The following PHACTR1 variants were observed in gnomAD, a reference collection of about 807,000 sequenced individuals.
PHACTR1 encodes the protein phosphatase and actin regulator 1.
PHACTR1 carries 16 observed loss-of-function variants against 69.2 expected under a neutral mutation model. The observed-to-expected ratio is 0.23, with a 90% confidence interval of 0.16 to 0.35. The LOEUF (loss-of-function observed/expected upper bound fraction) is 0.35. PHACTR1 is among the 10% of genes least tolerant of loss of function. PHACTR1 has a pLI of 1.00. For synonymous variants in PHACTR1, 312 were observed against 284.5 expected, an observed-to-expected ratio of 1.10 and a Z score of -0.97; for missense variants, 510 against 734.7, an observed-to-expected ratio of 0.69 and a Z score of 3.54.
chr6:13,007,950 C>T (rs1799005937), intron 4 of PHACTR1, among the ~76,000 whole-genome samples: 1 of 152,172 alleles, frequency 6.6e-6, no homozygotes, highest in African/African-American at 2.4e-5. Flanking sequence ...AGTAAAACTA[C>T]TTTCCATTCA....
intron 4 of PHACTR1, among the ~76,000 whole-genome samples, chr6:12,846,990 T>C (rs1175089355): frequency 6.6e-6 from 1 of 151,592 alleles, no homozygotes; most frequent in African/African-American, 2.4e-5. Context: ...TTTCTTTGTT[T>C]TTTTTTTGTA....
chr6:13,204,986 G>C (rs1025483065), intron 7 of PHACTR1, among the ~76,000 whole-genome samples: 4 of 152,220 alleles, frequency 2.6e-5, no homozygotes, highest in Non-Finnish European at 5.9e-5. Flanking sequence ...TTGTAGACTA[G>C]CATGTCTTGG....
intron 4 of PHACTR1, among the ~76,000 whole-genome samples, chr6:12,762,234 GT>G (rs1334707422): frequency 6.6e-6 from 1 of 152,088 alleles, no homozygotes; most frequent in Non-Finnish European, 1.5e-5. Context: ...TGGTCTTTGA[GT>G]TTTACAGTTT....
In PHACTR1 at chr6:12,759,062, T is replaced by G. The variant is rs1188238883; in HGVS notation, c.250+9272T>G. Among the ~76,000 whole-genome samples the G allele has an allele frequency of 4.2e-5, 6 of 141,950 alleles. 1 individual carries two copies. The East Asian group carries it at 1.2e-3, about 29-fold the overall frequency. The allele number at this position is 141,950 out of a possible 152,430, so 93.1% of individuals were successfully genotyped here. Reference sequence around the variant, plus strand: ...TCGCTTGAACCTGGGAGGCAGAGGTTGCGGTGAGCCAAGATCATGCCATTG... The same window carrying G: ...TCGCTTGAACCTGGGAGGCAGAGGTGGCGGTGAGCCAAGATCATGCCATTG... On this transcript the variant is annotated intron_variant, in intron 4 of 14. Coordinates refer to ENST00000332995, the MANE Select transcript of PHACTR1 (RefSeq NM_030948.6).
chr6:12,745,001 TC>T (rs1453113378), intron 3 of PHACTR1, among the ~76,000 whole-genome samples: 1 of 152,190 alleles, frequency 6.6e-6, no homozygotes, highest in African/African-American at 2.4e-5. Context: ...AGGTCTCATC[TC>T]CTCAAATTCT....
At chr6:13,043,629 A>C (rs946549264) in intron 4 of PHACTR1, among the ~76,000 whole-genome samples, 1 of 152,202 alleles carries the variant, frequency 6.6e-6, no homozygotes, top group Non-Finnish European at 1.5e-5. Flanking sequence ...AGAGTACTTC[A>C]ACAGACTCTA....
chr6:13,139,549 G>T lies in PHACTR1; in HGVS notation c.416-20655G>T, dbSNP rs200826794. Among the ~76,000 whole-genome samples, 3 of 152,100 alleles carry T rather than the reference G, an allele frequency of 2.0e-5. No homozygotes were observed. The East Asian group carries it at 5.8e-4, about 29-fold the overall frequency. On this transcript the variant is annotated intron_variant, in intron 5 of 14. Transcript: ENST00000332995. ...GTATTCCCAAAAAACTTTCATTTGAGGAACTGAACTTGAAAGAACAGCATT... is the reference window on the plus strand; with the variant it reads ...GTATTCCCAAAAAACTTTCATTTGATGAACTGAACTTGAAAGAACAGCATT...
At chr6:12,866,569 A>G (rs538810116) in intron 4 of PHACTR1, among the ~76,000 whole-genome samples, 2 of 152,048 alleles carry the variant, frequency 1.3e-5, no homozygotes, top group East Asian at 3.9e-4. Context: ...GGCTCCGCCC[A>G]CTCAATCTTC....
chr6:13,157,217 T>A (rs1758309731), intron 5 of PHACTR1, among the ~76,000 whole-genome samples: 2 of 152,276 alleles, frequency 1.3e-5, no homozygotes, highest in African/African-American at 4.8e-5. Flanking sequence ...GCATTTCCCT[T>A]GGCCCCTACC....
intron 4 of PHACTR1, among the ~76,000 whole-genome samples, chr6:12,846,737 T>TTG (rs1561940270): frequency 1.3e-5 from 2 of 152,112 alleles, no homozygotes; most frequent in East Asian, 3.8e-4. Context: ...TTTTTTTTTT[T>TTG]TGTGGCCTTA....
intron 4 of PHACTR1, among the ~76,000 whole-genome samples, chr6:12,899,294 A>C (rs919062365): frequency 6.6e-6 from 1 of 152,194 alleles, no homozygotes; most frequent in African/African-American, 2.4e-5. Flanking sequence ...TTACTTTCCT[A>C]ATGCAGGGTT....
At chr6:13,206,195 C>T (rs1765896883) in intron 8 of PHACTR1, 59 bp downstream of exon 8, 1 of 1,451,252 alleles carries the variant, frequency 6.9e-7, no homozygotes, top group Non-Finnish European at 9.3e-7. Context: ...GGAGGGGGGC[C>T]TAGGGATTTG....
At chr6:13,101,689 G>A (rs141808738) in intron 5 of PHACTR1, among the ~76,000 whole-genome samples, 1 of 152,306 alleles carries the variant, frequency 6.6e-6, no homozygotes, top group East Asian at 1.9e-4. Context: ...TTCACCATTG[G>A]TACAAGCAGC....
At chr6:12,732,067 G>C (rs75257013) in intron 3 of PHACTR1, among the ~76,000 whole-genome samples, 5,504 of 151,676 alleles carry the variant, frequency 0.036, 325 homozygotes, top group African/African-American at 0.12. Flanking sequence ...GATTTGCTTG[G>C]AGTTCCTGGG....
At chr6:12,920,586 G>A (rs907315653) in intron 4 of PHACTR1, among the ~76,000 whole-genome samples, 2 of 152,076 alleles carry the variant, frequency 1.3e-5, no homozygotes, top group African/African-American at 4.8e-5. Flanking sequence ...TCCCTGCCAG[G>A]CACTATAAGG....
chr6:13,266,140 C>T (rs1776665935), intron 10 of PHACTR1, among the ~76,000 whole-genome samples: 1 of 152,114 alleles, frequency 6.6e-6, no homozygotes, highest in Admixed American at 6.6e-5. Context: ...ACAGCATTCC[C>T]ATCCATCTAG....
At chr6:12,769,850 A>G (rs1010654503) in intron 4 of PHACTR1, among the ~76,000 whole-genome samples, 2 of 152,200 alleles carry the variant, frequency 1.3e-5, no homozygotes, top group Non-Finnish European at 2.9e-5. Context: ...CTCAGAGGAA[A>G]ATCTCTTTAA....
chr6:12,934,609 G>A (rs770807776), intron 4 of PHACTR1, among the ~76,000 whole-genome samples: 1 of 152,152 alleles, frequency 6.6e-6, no homozygotes, highest in Non-Finnish European at 1.5e-5. Context: ...GCCGAGGCAG[G>A]TGGATCATTT....
At chr6:12,811,897 A>C (rs772984317) in intron 4 of PHACTR1, among the ~76,000 whole-genome samples, 2 of 152,082 alleles carry the variant, frequency 1.3e-5, no homozygotes, top group Non-Finnish European at 2.9e-5. Flanking sequence ...TTCATTAAGG[A>C]TGTCAAAGAG....
Sources: gnomAD v4.1 joint callset for allele counts (sites outside exome capture counted in the v4.1 genomes callset) on GRCh38, gnomAD v4.1.1 for gene constraint, MANE v1.5 for transcripts, NCBI Gene and HGNC (gene_info 2026-07-23, HGNC 2026-07-21) for gene names.